The following ZFHX3 variants were observed in gnomAD, a reference collection of about 807,000 sequenced individuals.
The protein encoded by ZFHX3 is zinc finger homeobox 3, also known as zinc finger homeobox protein 3.
A neutral mutation model predicts 279.1 loss-of-function variants in ZFHX3; 42 were observed. The ratio of observed to expected loss-of-function variants is 0.15; its 90% CI spans 0.12 to 0.19. The LOEUF (loss-of-function observed/expected upper bound fraction) is 0.19, where lower values mean the gene tolerates loss of function less well. ZFHX3 is among the 10% of genes least tolerant of loss of function. The pLI, the probability that ZFHX3 is intolerant of heterozygous loss-of-function variation, is 1.00. For synonymous variants in ZFHX3, 2,293 were observed against 1,957.8 expected (o/e 1.17, Z -4.52); for missense variants, 4,981 against 4,754.0 (o/e 1.05, Z -1.40).
chr16:73,373,950 A>G (rs1377781590), intron 3 of ZFHX3, among the ~76,000 whole-genome samples: 1 of 152,258 alleles, frequency 6.6e-6, no homozygotes, highest in African/African-American at 2.4e-5. Context: ...TGAGATTGAC[A>G]GGATCTGCAA....
intron 3 of ZFHX3, among the ~76,000 whole-genome samples, chr16:73,415,172 C>G (rs2017546985): frequency 6.6e-6 from 1 of 152,016 alleles, no homozygotes; most frequent in Non-Finnish European, 1.5e-5. Flanking sequence ...AATCAGCTAG[C>G]AAGATAGGCA....
At chr16:73,646,076 T>C (rs1368765807) in intron 2 of ZFHX3, among the ~76,000 whole-genome samples, 4 of 152,360 alleles carry the variant, frequency 2.6e-5, no homozygotes, top group South Asian at 4.1e-4. Flanking sequence ...AATGTGACCA[T>C]ATACATTGAT....
intron 4 of ZFHX3, among the ~76,000 whole-genome samples, chr16:73,285,339 C>A (rs1199165374): frequency 6.6e-6 from 1 of 152,172 alleles, no homozygotes. Flanking sequence ...AGTCAGAAAT[C>A]CCATTGGGAC....
At chr16:73,749,720 C>A (rs79145437) in intron 1 of ZFHX3, among the ~76,000 whole-genome samples, 1 of 152,120 alleles carries the variant, frequency 6.6e-6, no homozygotes, top group Non-Finnish European at 1.5e-5. Flanking sequence ...GAATGCATCA[C>A]AAACTGCAAT....
intron 1 of ZFHX3, among the ~76,000 whole-genome samples, chr16:73,768,008 C>T (rs1433470520): frequency 3.9e-5 from 6 of 152,132 alleles, no homozygotes; most frequent in Non-Finnish European, 7.3e-5. Flanking sequence ...GCATGGCACA[C>T]GGGTAATTCC....
chr16:73,274,048 G>A (rs1390558654), intron 4 of ZFHX3, among the ~76,000 whole-genome samples: 2 of 152,164 alleles, frequency 1.3e-5, no homozygotes, highest in East Asian at 1.9e-4. Context: ...GGAGGCTGAG[G>A]CAGGAGAATC....
intron 4 of ZFHX3, among the ~76,000 whole-genome samples, chr16:73,287,888 C>A (rs2014670090): frequency 6.9e-6 from 1 of 145,694 alleles, no homozygotes; most frequent in African/African-American, 2.6e-5. Flanking sequence ...TGGTGTACGG[C>A]TGTGTGGGTG....
In ZFHX3 at chr16:73,607,444, T is replaced by C. The variant is rs79040079; in HGVS notation, c.-1547+72736A>G. 4.7e-3 allele frequency among the ~76,000 whole-genome samples: 717 copies of C among 152,360 alleles called. 14 individuals are homozygous for C. The highest frequency in any genetic ancestry group is 0.017 in the African/African-American group (695 of 41,584). On this transcript the variant is annotated intron_variant, in intron 2 of 17. Coordinates refer to the ZFHX3 transcript ENST00000641206. ...CAAAAGAATATAAATCATTCTATTA[T>C]AAAGATACCTGCACGCGTATGTTCA... is the stretch of plus-strand genomic sequence containing the variant.
chr16:73,091,821 A>G (rs1021371411), intron 8 of ZFHX3, among the ~76,000 whole-genome samples: 2 of 152,200 alleles, frequency 1.3e-5, no homozygotes, highest in Non-Finnish European at 2.9e-5. Flanking sequence ...GAATATCTAT[A>G]AGGGTATTTC....
intron 4 of ZFHX3, among the ~76,000 whole-genome samples, chr16:72,882,411 A>G (rs2038502232): frequency 6.6e-6 from 1 of 152,214 alleles, no homozygotes; most frequent in African/African-American, 2.4e-5. Flanking sequence ...TAGCTTCATC[A>G]TCCCAGAAAA....
intron 1 of ZFHX3, among the ~76,000 whole-genome samples, chr16:73,818,970 T>A (rs889790257): frequency 6.6e-6 from 1 of 152,160 alleles, no homozygotes; most frequent in Non-Finnish European, 1.5e-5. Flanking sequence ...CTCAGTGAAA[T>A]AATCATAGAT....
At chr16:73,770,638 T>C (rs370891329) in intron 1 of ZFHX3, among the ~76,000 whole-genome samples, 16 of 152,344 alleles carry the variant, frequency 1.1e-4, no homozygotes, top group East Asian at 7.7e-4. Flanking sequence ...CATTGCTATC[T>C]GGAACAAGAT....
At chr16:72,997,820 C>G (rs1435599165) in intron 1 of ZFHX3, among the ~76,000 whole-genome samples, 1 of 152,190 alleles carries the variant, frequency 6.6e-6, no homozygotes, top group Admixed American at 6.5e-5. Flanking sequence ...TGGCTCACAG[C>G]TGCAATCCTG....
At chr16:72,866,866 T>C (rs1038246736) in intron 4 of ZFHX3, among the ~76,000 whole-genome samples, 2 of 152,138 alleles carry the variant, frequency 1.3e-5, no homozygotes. Flanking sequence ...CCCACCGACC[T>C]GCAGTTCCAC....
In ZFHX3 at chr16:73,783,185, A is replaced by C. The variant is rs1203106318; in HGVS notation, c.-1607-102945T>G. Reference sequence around the variant, plus strand: ...GGCCAAGATGAGCCACCCCAGGCACAACCTGCAACCAATGACTAGTTAATG... The same window carrying C: ...GGCCAAGATGAGCCACCCCAGGCACCACCTGCAACCAATGACTAGTTAATG... On this transcript the variant is annotated intron_variant, in intron 1 of 17. Transcript: ENST00000641206. 2.6e-5 allele frequency among the ~76,000 whole-genome samples: 4 copies of C among 152,188 alleles called. No homozygotes were observed. The East Asian group carries it at 7.7e-4, about 29-fold the overall frequency.
rs62639997 is a variant in ZFHX3, at chr16:72,795,527, C to T, written c.7155G>A (p.Pro2385=). 29,151 of 1,614,004 alleles carry T rather than the reference C, an allele frequency of 0.018. 673 individuals are homozygous for T. The highest frequency in any genetic ancestry group is 0.085 in the South Asian group (7,752 of 91,064). ...GGGCGCTGTAAGCCTGTGAGGGCATCGGGGTACTGCAGGATGAGCTGGTAG... is the reference window on the plus strand; with the variant it reads ...GGGCGCTGTAAGCCTGTGAGGGCATTGGGGTACTGCAGGATGAGCTGGTAG... ...LTPTSSSCST[P]MPSQAYSAPA... is the part of the protein sequence containing the mutation. Residue 2385 remains proline (P), a synonymous_variant, in exon 9 of 10, where the codon CCG becomes CCA. Transcript: ENST00000268489.
chr16:73,656,773 T>C (rs1445568098), intron 2 of ZFHX3, among the ~76,000 whole-genome samples: 1 of 152,216 alleles, frequency 6.6e-6, no homozygotes, highest in Non-Finnish European at 1.5e-5. Flanking sequence ...TAGTCCTATA[T>C]ACATAAAAAT....
chr16:73,342,700 G>A (rs1480147279), intron 3 of ZFHX3, among the ~76,000 whole-genome samples: 1 of 152,170 alleles, frequency 6.6e-6, no homozygotes, highest in African/African-American at 2.4e-5. Flanking sequence ...TCCTGCAAGA[G>A]GTGGGTAGGT....
Position 72,796,308 on chromosome 16 carries a change from G to C in ZFHX3, c.6374C>G (p.Pro2125Arg). Residue 2125 changes from proline (P) to arginine (R), a missense_variant, in exon 9 of 10, where the codon CCT becomes CGT. This residue lies in a region of ZFHX3 where 1,751 missense variants were observed against 1,770.0 expected (regional missense o/e 0.99). Transcript: ENST00000268489. ...CTGGTAGAGTTGGGCCAGGTCCGCA[G>C]GCAGAGGCTCCACAGGTCCCAGCTG... is the stretch of plus-strand genomic sequence containing the variant. Reference protein sequence around the residue: ...PPQLGPVEPLPADLAQLYQHQ... With the variant: ...PPQLGPVEPLRADLAQLYQHQ... 30 of 1,614,130 alleles carry C rather than the reference G, an allele frequency of 1.9e-5. No homozygotes were observed. Among genetic ancestry groups the C allele is most frequent in the Non-Finnish European group, 2.5e-5 (30 of 1,180,016 alleles).
Sources: gnomAD v4.1 joint callset for allele counts (sites outside exome capture counted in the v4.1 genomes callset) on GRCh38, gnomAD v4.1.1 for gene constraint, gnomAD v4.1.1 regional missense constraint, MANE v1.5 for transcripts, NCBI Gene and HGNC (gene_info 2026-07-23, HGNC 2026-07-21) for gene names.